Variants in EPHB2 observed in about 807,000 individuals in gnomAD.
The protein encoded by EPHB2 is ephrin type-B receptor 2.
EPHB2 carries 18 observed loss-of-function variants against 96.4 expected under a neutral mutation model. The observed-to-expected ratio is 0.19, with a 90% CI of 0.13 to 0.28. EPHB2 has a LOEUF of 0.28. Ranked by LOEUF, EPHB2 falls within the 10% of genes least tolerant of loss-of-function variation. EPHB2 has a pLI of 1.00. For missense variants in EPHB2, 989 were observed against 1,355.4 expected, an observed-to-expected ratio of 0.73 and a Z score of 4.25; for synonymous variants, 506 against 534.1, an observed-to-expected ratio of 0.95 and a Z score of 0.72.
intron 1 of EPHB2, among the ~76,000 whole-genome samples, chr1:22,764,878 C>G (rs1346823454): frequency 4.6e-5 from 7 of 152,216 alleles, no homozygotes; most frequent in African/African-American, 1.7e-4. Flanking sequence ...GCGACTCGCT[C>G]CAGTGGCAGA....
intron 1 of EPHB2, among the ~76,000 whole-genome samples, chr1:22,718,618 C>A (rs1368613133): frequency 3.3e-5 from 5 of 151,916 alleles, no homozygotes; most frequent in Non-Finnish European, 5.9e-5. Flanking sequence ...CGAACTCTGA[C>A]CTCAGGCGAT....
At chr1:22,750,243 C>T (rs1421665450) in intron 1 of EPHB2, among the ~76,000 whole-genome samples, 2 of 152,170 alleles carry the variant, frequency 1.3e-5, no homozygotes, top group African/African-American at 4.8e-5. Context: ...ATTGGGGCAG[C>T]CCTACAATCC....
intron 6 of EPHB2, chr1:22,882,745 AG>A (rs1639092449): frequency 2.3e-5 from 10 of 436,300 alleles, no homozygotes; most frequent in South Asian, 2.1e-4. Context: ...GAAATGCAAC[AG>A]TCACATCCCT....
chr1:22,816,594 T>C (rs1645078381), intron 3 of EPHB2, among the ~76,000 whole-genome samples: 1 of 152,098 alleles, frequency 6.6e-6, no homozygotes, highest in African/African-American at 2.4e-5. Flanking sequence ...CTGGACCCCT[T>C]GCGGTTCCCT....
In EPHB2 at chr1:22,855,576, C is replaced by G. The variant is rs189050100; in HGVS notation, c.812-7461C>G. On this transcript the variant is annotated intron_variant, in intron 3 of 15. Coordinates refer to ENST00000374630, the MANE Select transcript of EPHB2 (RefSeq NM_017449.5). Reference sequence around the variant, plus strand: ...AATTTACAACTCACTGTCTCCCTAACTAGACCTGAACTTCTGAAGACAAGG... The same window carrying G: ...AATTTACAACTCACTGTCTCCCTAAGTAGACCTGAACTTCTGAAGACAAGG... 2.0e-5 allele frequency among the ~76,000 whole-genome samples: 3 copies of G among 152,350 alleles called. No individual in the cohort carries two copies. In the East Asian group the frequency reaches 5.8e-4, roughly 29 times the overall value.
At chr1:22,782,907 C>T (rs1644555791) in intron 2 of EPHB2, among the ~76,000 whole-genome samples, 1 of 152,226 alleles carries the variant, frequency 6.6e-6, no homozygotes, top group Admixed American at 6.5e-5. Context: ...CCCCAGGCTG[C>T]CAGCCCCTGC....
rs1645774122 is a variant in EPHB2 at position 22,860,292 on chromosome 1, A to G, written c.812-2745A>G. 6.6e-6 allele frequency among the ~76,000 whole-genome samples: 1 copy of G among 152,016 alleles called. No individual in the cohort carries two copies. Among genetic ancestry groups the G allele is most frequent in the African/African-American group, 2.4e-5 (1 of 41,384 alleles). ...CAGCGGGGGGAGCGGCCAAGACCAG[A>G]CCAGAGACTGCTGAGGAGGGAAGAC... On this transcript the variant is annotated intron_variant, in intron 3 of 15. Transcript: ENST00000374630. The surrounding 1 kb of genome is among the most constrained non-coding windows in gnomAD (Gnocchi z 4.6).
chr1:22,878,007 G>C (rs2148544523), intron 5 of EPHB2, among the ~76,000 whole-genome samples: 1 of 152,358 alleles, frequency 6.6e-6, no homozygotes. Flanking sequence ...AATCTAGAGA[G>C]ATACATTCTA....
At chr1:22,911,461 C>T (rs1451379644) in intron 14 of EPHB2, among the ~76,000 whole-genome samples, 2 of 152,158 alleles carry the variant, frequency 1.3e-5, no homozygotes, top group South Asian at 2.1e-4. Context: ...TCACCATACA[C>T]CCATCTGTGC....
chr1:22,728,734 C>G (rs1327921246), intron 1 of EPHB2, among the ~76,000 whole-genome samples: 1 of 152,204 alleles, frequency 6.6e-6, no homozygotes, highest in Non-Finnish European at 1.5e-5. Context: ...GGCCCGTTGT[C>G]CTGCCTGATC....
intron 3 of EPHB2, among the ~76,000 whole-genome samples, chr1:22,853,178 G>A (rs754717508): frequency 1.3e-5 from 2 of 152,222 alleles, no homozygotes; most frequent in African/African-American, 2.4e-5. Context: ...GTGAAATCCC[G>A]TCTCTACTAA....
At chr1:22,851,145 C>G (rs1645620162) in intron 3 of EPHB2, among the ~76,000 whole-genome samples, 1 of 152,136 alleles carries the variant, frequency 6.6e-6, no homozygotes. Context: ...CAGGCTTGTG[C>G]CACCACGCCC....
chr1:22,719,606 C>G (rs766663539), intron 1 of EPHB2: 1 of 152,384 alleles, frequency 6.6e-6, no homozygotes. Flanking sequence ...TGCTCAACCC[C>G]TGTAAGGGCT....
intron 2 of EPHB2, among the ~76,000 whole-genome samples, chr1:22,783,073 C>T (rs1644557774): frequency 6.6e-6 from 1 of 152,182 alleles, no homozygotes; most frequent in African/African-American, 2.4e-5. Flanking sequence ...GGCCACTCAT[C>T]AAGTTAGTAG....
chr1:22,785,899 G>A (rs1644604326), intron 3 of EPHB2, among the ~76,000 whole-genome samples: 1 of 152,224 alleles, frequency 6.6e-6, no homozygotes, highest in Non-Finnish European at 1.5e-5. Flanking sequence ...ATATGAAGAA[G>A]CTGAGGCTCA....
chr1:22,762,844 T>C (rs1644254011), intron 1 of EPHB2, among the ~76,000 whole-genome samples: 1 of 152,182 alleles, frequency 6.6e-6, no homozygotes, highest in African/African-American at 2.4e-5. Flanking sequence ...AACTCTGCGC[T>C]GGCTGCAGTG....
Position 22,910,447 on chromosome 1 carries a change from C to G in EPHB2, c.2568C>G (p.His856Gln). ...CCATGGACTGCCCGAGCGCCCTGCA[C>G]CAACTCATGCTGGACTGTTGGCAGA... is the stretch of plus-strand genomic sequence containing the variant. ...PPPMDCPSAL[H>Q]QLMLDCWQKD... Residue 856 changes from histidine to glutamine, a missense_variant, in exon 14 of 16, where the codon CAC becomes CAG. Coordinates refer to ENST00000374630, the MANE Select transcript of EPHB2 (RefSeq NM_017449.5). 1 of 1,614,232 alleles carries G rather than the reference C, an allele frequency of 6.2e-7. No individual in the cohort carries two copies. The highest frequency in any genetic ancestry group is 1.1e-5 in the South Asian group (1 of 91,084).
intron 1 of EPHB2, among the ~76,000 whole-genome samples, chr1:22,751,655 A>G (rs996120434): frequency 6.6e-6 from 1 of 152,088 alleles, no homozygotes; most frequent in African/African-American, 2.4e-5. Flanking sequence ...CCGTATACCC[A>G]CTATGTGGCT....
intron 1 of EPHB2, among the ~76,000 whole-genome samples, chr1:22,725,736 T>C (rs1458675812): frequency 2.0e-5 from 3 of 152,182 alleles, no homozygotes; most frequent in Non-Finnish European, 4.4e-5. Flanking sequence ...CTTTTGGAGA[T>C]ATGTTCCTGC....
Sources: allele counts gnomAD v4.1 joint callset (sites outside exome capture counted in the v4.1 genomes callset), GRCh38; gene constraint gnomAD v4.1.1; non-coding constraint Gnocchi (gnomAD v3.1); transcripts MANE v1.5; gene names NCBI Gene and HGNC (gene_info 2026-07-23, HGNC 2026-07-21).